Variants in MCM7 observed in about 807,000 individuals in gnomAD.
MCM7 encodes DNA replication licensing factor MCM7.
A neutral mutation model predicts 83.5 loss-of-function variants in MCM7; 95 were observed. The observed-to-expected ratio is 1.14, with a 90% CI of 0.96 to 1.35. MCM7 has a LOEUF of 1.35. Ranked by LOEUF, MCM7 falls within the 40% of genes most tolerant of loss-of-function variation. The probability of loss-of-function intolerance (pLI) is 0.00; values close to 1 mark genes in which losing one functional copy is unlikely to be tolerated. For missense variants in MCM7, 1,087 were observed against 957.4 expected, an observed-to-expected ratio of 1.14 and a Z score of -1.79; for synonymous variants, 461 against 352.7, an observed-to-expected ratio of 1.31 and a Z score of -3.44.
At chr7:100,097,234 C>T (rs1328605969) in intron 10 of MCM7, 67 bp downstream of exon 10, 13 of 1,435,794 alleles carry the variant, frequency 9.1e-6, no homozygotes, top group Non-Finnish European at 1.3e-5. Context: ...TGCACCCCTA[C>T]TTTTTGAATA....
intron 6 of MCM7, 51 bp from the exon 7 acceptor site, chr7:100,098,341 C>A (rs368036446): frequency 6.1e-5 from 98 of 1,596,322 alleles, no homozygotes; most frequent in Non-Finnish European, 7.7e-5. Flanking sequence ...AAGGACCCAA[C>A]CTTCCCTCCC....
intron 12 of MCM7, among the ~76,000 whole-genome samples, chr7:100,094,639 G>A (rs1210305340): frequency 1.3e-5 from 2 of 152,272 alleles, no homozygotes; most frequent in East Asian, 1.9e-4. Flanking sequence ...CCTCCTCTGA[G>A]CGCATGACAT....
intron 6 of MCM7, 107 bp downstream of exon 6, chr7:100,098,471 T>C (rs1004985531): frequency 1.3e-6 from 2 of 1,548,102 alleles, no homozygotes; most frequent in East Asian, 2.3e-5. Flanking sequence ...ACCTCCCTCC[T>C]GCACTTCCCT....
chr7:100,099,549 C>G (rs778780484), intron 3 of MCM7, 40 bp downstream of exon 3: 38 of 1,607,438 alleles, frequency 2.4e-5, no homozygotes, highest in African/African-American at 5.4e-5. Flanking sequence ...GAAGCTTAAA[C>G]GCCTCGCCCT....
At chr7:100,095,294 T>C in intron 12 of MCM7, 93 bp downstream of exon 12, 1 of 1,133,038 alleles carries the variant, frequency 8.8e-7, no homozygotes, top group Admixed American at 2.0e-5. Context: ...AGTGGTGGTG[T>C]GAAAAACACA....
intron 12 of MCM7, 82 bp from the exon 13 acceptor site, chr7:100,094,423 G>A: frequency 6.6e-7 from 1 of 1,516,672 alleles, no homozygotes; most frequent in Non-Finnish European, 9.0e-7. Context: ...TTCTGTACCA[G>A]GGCTCCCCAT....
chr7:100,097,845 C>T lies in MCM7; in HGVS notation c.974G>A (p.Arg325Lys), dbSNP rs1795724850. The T allele has an allele frequency of 2.5e-6, 4 of 1,614,164 alleles. No homozygotes were observed. The change falls in exon 8 of 15, where the codon AGG becomes AAG. Residue 325 changes from arginine to lysine, a missense_variant. By Grantham distance (26) the Arg-to-Lys change is conservative (BLOSUM62 2). Coordinates refer to ENST00000303887, the MANE Select transcript of MCM7 (RefSeq NM_005916.5). ...CCCCTGCCCCTCACCTGCAATTTGC[C>T]TCAGCTCCTCCCTGGTGAGCTCTCC... ...GAGELTREEL[R>K]QIAEEDFYEK...
chr7:100,100,576 G>A, intron 1 of MCM7: 2 of 991,480 alleles, frequency 2.0e-6, no homozygotes, highest in Non-Finnish European at 2.4e-6. Flanking sequence ...TCACAGCTCG[G>A]GATTCCTCCG....
In MCM7 at chr7:100,101,328, G is replaced by C; in HGVS notation, c.-34C>G. 1 of 1,612,672 alleles carries C rather than the reference G, an allele frequency of 6.2e-7. No homozygotes were observed. The highest frequency in any genetic ancestry group is 8.5e-7 in the Non-Finnish European group (1 of 1,179,778). The stretch of plus-strand genomic sequence containing the variant: ...AGGGCCGTGCGGCCGCGCTTGGCGG[G>C]CTCAGAGGTCTTGCTCCTGGGGAAG... On this transcript the variant is annotated 5_prime_UTR_variant, in exon 1 of 15. Coordinates refer to ENST00000303887, the MANE Select transcript of MCM7 (RefSeq NM_005916.5).
chr7:100,096,739 C>T (rs986111247), intron 10 of MCM7, among the ~76,000 whole-genome samples: 4 of 151,880 alleles, frequency 2.6e-5, no homozygotes, highest in Non-Finnish European at 5.9e-5. Flanking sequence ...CATGCCATTG[C>T]ACTCCAGTCT....
In MCM7 at chr7:100,094,942, T is replaced by C. The variant is rs137916536; in HGVS notation, c.1679+445A>G. Among the ~76,000 whole-genome samples the C allele has an allele frequency of 7.6e-4, 116 of 152,268 alleles. 2 individuals are homozygous for C. The East Asian group carries it at 0.021, about 28-fold the overall frequency. On this transcript the variant is annotated intron_variant, in intron 12 of 14. Coordinates refer to ENST00000303887, the MANE Select transcript of MCM7 (RefSeq NM_005916.5). The stretch of plus-strand genomic sequence containing the variant: ...TATTTTTGTGGGCCAGGAGCAGTGG[T>C]TCATGCCTGTAATCCCAGCACTTTG...
chr7:100,100,225 A>G (rs1038391108), intron 1 of MCM7, 132 bp from the exon 2 acceptor site: 1 of 1,442,572 alleles, frequency 6.9e-7, no homozygotes, highest in Non-Finnish European at 9.1e-7. Context: ...AAGTCTCCCC[A>G]AAGTGGGCAT....
chr7:100,096,001 T>C lies in MCM7; in HGVS notation c.1368A>G (p.Thr456=), dbSNP rs1795614048. 1 of 1,613,930 alleles carries C rather than the reference T, an allele frequency of 6.2e-7. No homozygotes were observed. Among genetic ancestry groups the C allele is most frequent in the African/African-American group, 1.3e-5 (1 of 74,894 alleles). The change falls in exon 11 of 15, where the codon ACA becomes ACG. Residue 456 remains threonine (T), a synonymous_variant. Coordinates refer to ENST00000303887, the MANE Select transcript of MCM7 (RefSeq NM_005916.5). ...EFDKMAEADR[T]AIHEVMEQQT... ...GCTGCTCCATGACCTCGTGGATGGC[T>C]GTGCGGTCGGCCTCAGCCATCTTGT... is the stretch of plus-strand genomic sequence containing the variant.
intron 13 of MCM7, chr7:100,093,698 G>A: frequency 2.9e-6 from 2 of 682,566 alleles, no homozygotes; most frequent in Admixed American, 3.6e-5. Context: ...GAACGCCACT[G>A]GGCTCCCCAG....
chr7:100,099,316 G>T lies in MCM7; in HGVS notation c.364C>A (p.Pro122Thr). ...RSRDPGMVRS[P>T]QNQYPAELMR... ...AGTTCAGCAGGGTACTGGTTCTGGG[G>T]GCTTCGGACCATCCCAGGGTCCCGA... The change falls in exon 4 of 15, where the codon CCC (proline) becomes ACC (threonine). Residue 122 changes from proline (P) to threonine (T), a missense_variant. Physicochemically the swap from Pro to Thr is conservative, Grantham distance 38 (BLOSUM62 -1). Transcript: ENST00000303887. 2 of 1,613,810 alleles carry T rather than the reference G, an allele frequency of 1.2e-6. No homozygotes were observed. Among genetic ancestry groups the T allele is most frequent in the Non-Finnish European group, 1.7e-6 (2 of 1,179,974 alleles).
chr7:100,096,668 G>A (rs879334785), intron 10 of MCM7, among the ~76,000 whole-genome samples: 3 of 152,002 alleles, frequency 2.0e-5, no homozygotes, highest in South Asian at 2.1e-4. Flanking sequence ...CCAGCTACTC[G>A]GGAGGCCGAA....
intron 13 of MCM7, chr7:100,093,847 G>A: frequency 1.6e-6 from 1 of 640,044 alleles, no homozygotes; most frequent in South Asian, 1.4e-5. Context: ...GGAGCCCCCA[G>A]GACTGAGGTC....
rs1795380160 is a variant in MCM7 at position 100,092,743 on chromosome 7, A to T, written c.*189T>A. On this transcript the variant is annotated 3_prime_UTR_variant, in exon 15 of 15. Coordinates refer to ENST00000303887, the MANE Select transcript of MCM7 (RefSeq NM_005916.5). Reference sequence around the variant, plus strand: ...AACAGGAATCTAAAAAACGCACAAAACCCTGTTTTAATGGAAGTCAGGCCC... The same window carrying T: ...AACAGGAATCTAAAAAACGCACAAATCCCTGTTTTAATGGAAGTCAGGCCC... 1.4e-5 allele frequency: 9 copies of T among 634,264 alleles called. No homozygotes were observed. Among genetic ancestry groups the T allele is most frequent in the South Asian group, 1.2e-4 (6 of 50,776 alleles). The allele number at this position is 634,264 out of a possible 1,614,324, so 39.3% of individuals were successfully genotyped here.
At chr7:100,096,592 A>G (rs1643869585) in intron 10 of MCM7, among the ~76,000 whole-genome samples, 1 of 151,744 alleles carries the variant, frequency 6.6e-6, no homozygotes, top group Non-Finnish European at 1.5e-5. Context: ...CCTGCCCAAC[A>G]CAGTAAACCC....
Sources: allele counts gnomAD v4.1 joint callset (sites outside exome capture counted in the v4.1 genomes callset), GRCh38; gene constraint gnomAD v4.1.1; transcripts MANE v1.5; gene names NCBI Gene and HGNC (gene_info 2026-07-23, HGNC 2026-07-21).